MKNK1: variants seen among roughly 807,000 people sequenced by gnomAD.
The protein encoded by MKNK1 is MAPK interacting serine/threonine kinase 1, also known as MAP kinase-interacting serine/threonine-protein kinase 1.
Under a neutral mutation model 49.3 loss-of-function variants are expected in MKNK1, and 30 were observed. The ratio of observed to expected loss-of-function variants is 0.61; its 90% CI spans 0.46 to 0.83. MKNK1 has a LOEUF of 0.83. Ranked by LOEUF, MKNK1 falls within the 40% of genes least tolerant of loss-of-function variation. MKNK1 has a pLI of 0.00. For synonymous variants in MKNK1, 176 were observed against 201.7 expected, an observed-to-expected ratio of 0.87 and a Z score of 1.08; for missense variants, 423 against 524.7, an observed-to-expected ratio of 0.81 and a Z score of 1.89.
chr1:46,598,553 T>C (rs139977268), intron 1 of MKNK1, among the ~76,000 whole-genome samples: 45 of 152,340 alleles, frequency 3.0e-4, no homozygotes, highest in South Asian at 8.3e-4. Context: ...TATTTATTAA[T>C]ATTATTACTA....
intron 8 of MKNK1, 54 bp from the exon 9 acceptor site, chr1:46,565,190 A>G (rs1281603654): frequency 6.5e-7 from 1 of 1,541,766 alleles, no homozygotes; most frequent in East Asian, 2.2e-5. Context: ...ACGGGGCAAG[A>G]GGAGCCAGGC....
At chr1:46,564,476 T>G (rs1668680397) in intron 9 of MKNK1, among the ~76,000 whole-genome samples, 1 of 126,442 alleles carries the variant, frequency 7.9e-6, no homozygotes, top group East Asian at 2.3e-4. Flanking sequence ...GTTTTTTTTT[T>G]TTTTTTTTTT....
chr1:46,559,173 GC>G (rs1224566268), intron 12 of MKNK1, among the ~76,000 whole-genome samples: 1 of 152,238 alleles, frequency 6.6e-6, no homozygotes. Flanking sequence ...CCAGAGCAAG[GC>G]CTGCGCCGCT....
At chr1:46,601,487 G>A (rs539206721) in intron 1 of MKNK1, among the ~76,000 whole-genome samples, 35 of 152,304 alleles carry the variant, frequency 2.3e-4, no homozygotes, top group African/African-American at 8.2e-4. Context: ...TGTTTGAACT[G>A]TACTATTAAT....
At chr1:46,591,269 G>C (rs1673295847) in intron 2 of MKNK1, among the ~76,000 whole-genome samples, 1 of 152,226 alleles carries the variant, frequency 6.6e-6, no homozygotes, top group African/African-American at 2.4e-5. Flanking sequence ...TGGTGTGAGG[G>C]GAGGCTGGGC....
intron 1 of MKNK1, among the ~76,000 whole-genome samples, chr1:46,598,879 C>A (rs1159119194): frequency 1.3e-5 from 2 of 152,122 alleles, no homozygotes; most frequent in African/African-American, 4.8e-5. Context: ...TCATACAGTC[C>A]CAAGCCAGGA....
chr1:46,573,229 C>T (rs889133569), intron 6 of MKNK1, among the ~76,000 whole-genome samples: 1 of 152,236 alleles, frequency 6.6e-6, no homozygotes, highest in Non-Finnish European at 1.5e-5. Context: ...TCTGTGCAGA[C>T]ATCCCCCAGC....
At chr1:46,558,874 C>G in intron 12 of MKNK1, 74 bp from the exon 13 acceptor site, 1 of 1,292,804 alleles carries the variant, frequency 7.7e-7, no homozygotes. Context: ...CGGGACACTC[C>G]CACTTGCTGC....
intron 2 of MKNK1, among the ~76,000 whole-genome samples, chr1:46,584,065 C>A (rs1173398358): frequency 1.3e-5 from 2 of 152,182 alleles, no homozygotes; most frequent in African/African-American, 2.4e-5. Context: ...TTGGCAAGCA[C>A]CTGGCTCCCA....
intron 3 of MKNK1, 189 bp downstream of exon 3, chr1:46,583,039 T>C (rs1288254455): frequency 8.8e-6 from 6 of 683,458 alleles, no homozygotes; most frequent in Non-Finnish European, 1.6e-5. Context: ...GAGAGCTTTT[T>C]CCATCCCTGC....
intron 4 of MKNK1, among the ~76,000 whole-genome samples, chr1:46,577,354 G>A (rs888342669): frequency 5.9e-5 from 9 of 152,134 alleles, no homozygotes; most frequent in Middle Eastern, 3.2e-3. Flanking sequence ...GGTAGTGGGT[G>A]CTTGTAATCC....
chr1:46,566,032 T>G (rs1387285302), intron 8 of MKNK1, among the ~76,000 whole-genome samples: 1 of 152,226 alleles, frequency 6.6e-6, no homozygotes, highest in Non-Finnish European at 1.5e-5. Flanking sequence ...TTTAGTGGTA[T>G]TAATTAAGTA....
chr1:46,565,734 G>A (rs971620819), intron 8 of MKNK1, among the ~76,000 whole-genome samples: 1 of 152,190 alleles, frequency 6.6e-6, no homozygotes, highest in African/African-American at 2.4e-5. Context: ...CCACAGACAG[G>A]TGCCTCATCT....
chr1:46,586,042 AG>A lies in MKNK1; in HGVS notation c.-2-2714del, dbSNP rs1185552527. ...ACATGCTTAGCTTCCCTGGTTACAC[AG>A]GGGGAAGCGAGAGGTGTCATAATCT... On this transcript the variant is annotated intron_variant, in intron 2 of 12. Coordinates refer to ENST00000371945, the MANE Select transcript of MKNK1 (RefSeq NM_001135553.4). The A allele has an allele frequency of 7.1e-6, 5 of 708,334 alleles. No homozygotes were observed. In the East Asian group the frequency reaches 3.0e-4, roughly 43 times the overall value. 43.9% of individuals were successfully genotyped at this position (708,334 alleles called of 1,614,324 possible).
intron 1 of MKNK1, among the ~76,000 whole-genome samples, chr1:46,597,135 G>A (rs745923698): frequency 1.3e-5 from 2 of 151,946 alleles, no homozygotes; most frequent in African/African-American, 2.4e-5. Context: ...GGTGACCATG[G>A]CCAGACCAAA....
chr1:46,585,891 G>T (rs1191367610), intron 2 of MKNK1: 1 of 1,357,038 alleles, frequency 7.4e-7, no homozygotes. Flanking sequence ...ATTCTGCATG[G>T]ATTTCAATGA....
At chr1:46,570,421 C>A (rs537663533) in intron 7 of MKNK1, among the ~76,000 whole-genome samples, 3 of 152,356 alleles carry the variant, frequency 2.0e-5, no homozygotes, top group South Asian at 4.1e-4. Context: ...ACAGACACCC[C>A]CTTCTAGTTT....
chr1:46,558,925 G>A (rs1049227771), intron 12 of MKNK1, 125 bp from the exon 13 acceptor site: 10 of 777,350 alleles, frequency 1.3e-5, no homozygotes, highest in Admixed American at 8.3e-5. Context: ...GAGCTGGGAC[G>A]GGCTGCTCTC....
Position 46,557,519 on chromosome 1 carries a change from CA to C in MKNK1, c.*1055del, listed in dbSNP as rs1274732701. On this transcript the variant is annotated 3_prime_UTR_variant, in exon 13 of 13. Coordinates refer to ENST00000371945, the MANE Select transcript of MKNK1 (RefSeq NM_001135553.4). ...GCAAATCTATTTTCTTTATGTAACT[CA>C]ATAGTTCCACTTATCTGAATGGCTG... 6.6e-6 allele frequency: 1 copy of C among 152,622 alleles called. No individual in the cohort carries two copies. The highest frequency in any genetic ancestry group is 1.5e-5 in the Non-Finnish European group (1 of 68,042). The allele number at this position is 152,622 out of a possible 1,614,324, so 9.5% of individuals were successfully genotyped here.
Sources: gnomAD v4.1 joint callset for allele counts (sites outside exome capture counted in the v4.1 genomes callset) on GRCh38, gnomAD v4.1.1 for gene constraint, MANE v1.5 for transcripts, NCBI Gene and HGNC (gene_info 2026-07-23, HGNC 2026-07-21) for gene names.